The following PCDHGB6 variants were observed in gnomAD, a reference collection of about 807,000 sequenced individuals.
PCDHGB6 encodes protocadherin gamma subfamily B, 6, also known as protocadherin gamma-B6.
In PCDHGB6, 51 loss-of-function variants were observed where a neutral mutation model predicts 59.1. The ratio of observed to expected loss-of-function variants is 0.86; its 90% confidence interval spans 0.69 to 1.09. The LOEUF (loss-of-function observed/expected upper bound fraction) is 1.09. PCDHGB6 is among the 50% of genes least tolerant of loss of function. PCDHGB6 has a pLI of 0.00. For missense variants in PCDHGB6, 1,148 were observed against 1,205.1 expected (o/e 0.95, Z 0.70); for synonymous variants, 466 against 495.1 (o/e 0.94, Z 0.78).
In PCDHGB6 at chr5:141,462,551, G is replaced by C. The variant is rs57555347; in HGVS notation, c.2419-32256G>C. 8.3e-3 allele frequency among the ~76,000 whole-genome samples: 1,259 copies of C among 151,854 alleles called. 17 individuals carry two copies. The highest frequency in any genetic ancestry group is 0.029 in the African/African-American group (1,196 of 41,422). ...TTGTTCAGTGATCTTTTCTTCTTCA[G>C]TGTTTACTGTATTTGCTAATCCCAT... On this transcript the variant is annotated intron_variant, in intron 1 of 3. Transcript: ENST00000520790.
chr5:141,423,310 G>C, intron 1 of PCDHGB6: 2 of 1,614,180 alleles, frequency 1.2e-6, no homozygotes, highest in Non-Finnish European at 1.7e-6. Context: ...GCTGTACTTG[G>C]TGGTGGCGGT....
Position 141,408,712 on chromosome 5 carries a change from T to C in PCDHGB6, c.510T>C (p.Tyr170=). Residue 170 remains tyrosine, a synonymous_variant, in exon 1 of 4, where the codon TAT becomes TAC. Transcript: ENST00000520790. The part of the protein sequence containing the change: ...PDININSIKD[Y]KINSNPYFSL... ...TAAACATAAACTCAATTAAAGATTA[T>C]AAGATAAACTCTAATCCTTATTTTT... 1.2e-6 allele frequency: 2 copies of C among 1,612,332 alleles called. No homozygotes were observed. The highest frequency in any genetic ancestry group is 1.7e-6 in the Non-Finnish European group (2 of 1,178,930).
rs200356364 is a variant in PCDHGB6, at chr5:141,470,128, C to CA, written c.2419-24670dup. On this transcript the variant is annotated intron_variant, in intron 1 of 3. Transcript: ENST00000520790. ...TGAGCAACAGAGCAAGACTTCGTCT[C>CA]AAAAAAAAAGATCATAGATCATCTT... 4.0e-3 allele frequency among the ~76,000 whole-genome samples: 596 copies of CA among 150,150 alleles called. 6 individuals are homozygous for CA. The highest frequency in any genetic ancestry group is 0.011 in the Admixed American group (171 of 15,136).
At chr5:141,468,995 T>G (rs533843461) in intron 1 of PCDHGB6, among the ~76,000 whole-genome samples, 1 of 147,628 alleles carries the variant, frequency 6.8e-6, no homozygotes, top group Non-Finnish European at 1.5e-5. Context: ...TTATTGTTTT[T>G]GCTGGGTGCG....
chr5:141,477,211 C>G lies in PCDHGB6; in HGVS notation c.2419-17596C>G. 2 of 1,614,154 alleles carry G rather than the reference C, an allele frequency of 1.2e-6. No individual in the cohort carries two copies. Among genetic ancestry groups the G allele is most frequent in the Non-Finnish European group, 1.7e-6 (2 of 1,180,036 alleles). On this transcript the variant is annotated intron_variant, in intron 1 of 3. Transcript: ENST00000520790. The surrounding 1 kb of genome is among the most constrained non-coding windows in gnomAD (Gnocchi z 4.9). ...TGTACAGCCCAGTACCCGAGGATGC[C>G]CCTCTGGGGACTGTCATCGCTTTGC...
At chr5:141,423,202 G>A (rs771252840) in intron 1 of PCDHGB6, 67 of 1,613,500 alleles carry the variant, frequency 4.2e-5, no homozygotes, top group Non-Finnish European at 5.5e-5. Context: ...CTCGGCCACC[G>A]TCACGCTCAC....
intron 1 of PCDHGB6, among the ~76,000 whole-genome samples, chr5:141,483,547 G>A (rs1202182188): frequency 6.6e-6 from 1 of 152,140 alleles, no homozygotes. Context: ...GGTTGACAGT[G>A]CCATTCACAG....
intron 1 of PCDHGB6, chr5:141,420,995 C>T (rs1448491394): frequency 2.0e-6 from 1 of 503,150 alleles, no homozygotes; most frequent in East Asian, 3.3e-5. Flanking sequence ...CGCCGCTGCT[C>T]ACCAATCAGG....
In PCDHGB6 at chr5:141,432,997, G is replaced by T. The variant is rs778828769; in HGVS notation, c.2418+22377G>T. 17 of 1,614,082 alleles carry T rather than the reference G, an allele frequency of 1.1e-5. No homozygotes were observed. The highest frequency in any genetic ancestry group is 4.5e-5 in the East Asian group (2 of 44,864). ...CGCACTTTGTGGGCGTGGACGGGGT[G>T]CAGGCTTTCCTGCAGACCTATTCCC... On this transcript the variant is annotated intron_variant, in intron 1 of 3. Transcript: ENST00000520790. The surrounding 1 kb of genome is among the most constrained non-coding windows in gnomAD (Gnocchi z 6.0).
chr5:141,417,766 C>T (rs564920153), intron 1 of PCDHGB6: 7 of 1,442,472 alleles, frequency 4.9e-6, no homozygotes, highest in African/African-American at 4.3e-5. Context: ...AGACCCGGGA[C>T]TCCTCCTGTC....
rs1216840918 is a variant in PCDHGB6, at chr5:141,476,285, G to C, written c.2419-18522G>C. The C allele has an allele frequency of 1.2e-6, 2 of 1,614,036 alleles. No individual in the cohort carries two copies. The highest frequency in any genetic ancestry group is 1.7e-6 in the Non-Finnish European group (2 of 1,180,032). ...CAACGTGGTCGCGAACCTTGGTTTG[G>C]ATCTCGGTAGCCTCTCAGCCCGCAG... On this transcript the variant is annotated intron_variant, in intron 1 of 3. Coordinates refer to ENST00000520790, the MANE Select transcript of PCDHGB6 (RefSeq NM_018926.3). This position sits in a 1 kb window ranked among gnomAD's most constrained non-coding sequence, Gnocchi z 7.6.
intron 3 of PCDHGB6, 46 bp from the exon 4 acceptor site, chr5:141,510,901 A>G: frequency 1.9e-6 from 3 of 1,613,412 alleles, no homozygotes; most frequent in African/African-American, 2.7e-5. Flanking sequence ...GTGACTGTTG[A>G]GGACCCTAAG....
chr5:141,488,866 G>C (rs957501628), intron 1 of PCDHGB6, among the ~76,000 whole-genome samples: 1 of 152,148 alleles, frequency 6.6e-6, no homozygotes, highest in East Asian at 1.9e-4. Context: ...GAAGTGAGTG[G>C]GGAGGTAGGA....
intron 1 of PCDHGB6, among the ~76,000 whole-genome samples, chr5:141,450,782 C>T (rs1012152203): frequency 2.0e-5 from 3 of 151,350 alleles, no homozygotes; most frequent in East Asian, 1.9e-4. Flanking sequence ...CCACCGTGCC[C>T]GGACCTCATG....
chr5:141,469,581 A>G (rs543624370), intron 1 of PCDHGB6, among the ~76,000 whole-genome samples: 1 of 152,340 alleles, frequency 6.6e-6, no homozygotes, highest in Admixed American at 6.5e-5. Flanking sequence ...CTCTAAATAA[A>G]TAAATAAATA....
intron 1 of PCDHGB6, among the ~76,000 whole-genome samples, chr5:141,467,590 A>T (rs2099146863): frequency 6.6e-6 from 1 of 152,214 alleles, no homozygotes; most frequent in African/African-American, 2.4e-5. Context: ...AATGCCATTT[A>T]TTAAGCACTT....
chr5:141,409,644 TG>T lies in PCDHGB6; in HGVS notation c.1446del (p.Leu483SerfsTer9). 6.2e-7 allele frequency: 1 copy of T among 1,613,700 alleles called. No homozygotes were observed. Among genetic ancestry groups the T allele is most frequent in the Non-Finnish European group, 8.5e-7 (1 of 1,179,870 alleles). On this transcript the variant is annotated frameshift_variant, in exon 1 of 4. Transcript: ENST00000520790. LOFTEE classifies it high-confidence loss of function. Reference sequence around the variant, plus strand: ...CAAGTGAGCGCCTCTGACCCGGATTTGGGGCTCAATGGCCACATCTCCTACT... The same window carrying T: ...CAAGTGAGCGCCTCTGACCCGGATTTGGGCTCAATGGCCACATCTCCTACT... Reference protein sequence around the residue: ...IAQVSASDPDLGLNGHISYSI... With the variant: ...IAQVSASDPDXGLNGHISYSI...
intron 1 of PCDHGB6, chr5:141,441,480 T>A (rs1679700290): frequency 5.9e-6 from 1 of 170,298 alleles, no homozygotes. Flanking sequence ...CCAACGACAA[T>A]GCTCTGGTTT....
intron 1 of PCDHGB6, among the ~76,000 whole-genome samples, chr5:141,482,799 C>T (rs933003208): frequency 6.6e-6 from 1 of 152,086 alleles, no homozygotes; most frequent in Non-Finnish European, 1.5e-5. Flanking sequence ...TGGCCGGGTA[C>T]GGTGGCTCAT....
Sources: allele counts gnomAD v4.1 joint callset (sites outside exome capture counted in the v4.1 genomes callset), GRCh38; gene constraint gnomAD v4.1.1; non-coding constraint Gnocchi (gnomAD v3.1); transcripts MANE v1.5; gene names NCBI Gene and HGNC (gene_info 2026-07-23, HGNC 2026-07-21).